The following EIF2AK1 variants were observed in gnomAD, a reference collection of about 807,000 sequenced individuals.
EIF2AK1 encodes eukaryotic translation initiation factor 2 alpha kinase 1.
Under a neutral mutation model 77.9 loss-of-function variants are expected in EIF2AK1, and 54 were observed. The ratio of observed to expected loss-of-function variants is 0.69; its 90% CI spans 0.56 to 0.87. EIF2AK1 has a LOEUF of 0.87. Among genes scored for constraint, EIF2AK1 ranks in the 40% least tolerant of loss-of-function variants. EIF2AK1 has a pLI of 0.00. For synonymous variants in EIF2AK1, 314 were observed against 290.5 expected, an observed-to-expected ratio of 1.08 and a Z score of -0.82; for missense variants, 810 against 768.6, an observed-to-expected ratio of 1.05 and a Z score of -0.64.
chr7:6,046,812 G>A, intron 5 of EIF2AK1, 180 bp downstream of exon 5: 1 of 499,026 alleles, frequency 2.0e-6, no homozygotes, highest in Non-Finnish European at 3.5e-6. Flanking sequence ...TGAGGCAGAA[G>A]AATCGCTTGA....
chr7:6,032,813 T>C lies in EIF2AK1; in HGVS notation c.1333-3781A>G. 1 of 1,530,188 alleles carries C rather than the reference T, an allele frequency of 6.5e-7. No homozygotes were observed. Among genetic ancestry groups the C allele is most frequent in the Non-Finnish European group, 8.9e-7 (1 of 1,128,626 alleles). 94.8% of individuals were successfully genotyped at this position (1,530,188 alleles called of 1,614,324 possible). On this transcript the variant is annotated intron_variant, in intron 11 of 14. Coordinates refer to ENST00000199389, the MANE Select transcript of EIF2AK1 (RefSeq NM_014413.4). This position sits in a 1 kb window ranked among gnomAD's most constrained non-coding sequence, Gnocchi z 4.3. ...ATTTTTAACTACACAGGGCCACTTG[T>C]AATGTGTTTTGTTTTCCCTCCAAAG...
rs777867248 is a variant in EIF2AK1 at position 6,038,583 on chromosome 7, C to T, written c.1208G>A (p.Arg403Gln). The change falls in exon 10 of 15, where the codon CGG (arginine) becomes CAG (glutamine). Residue 403 changes from arginine to glutamine, a missense_variant. This residue lies in a region of EIF2AK1 where 549 missense variants were observed against 533.7 expected (regional missense o/e 1.03). Coordinates refer to ENST00000199389, the MANE Select transcript of EIF2AK1 (RefSeq NM_014413.4). ...DWIVERNKRG[R>Q]EYVDESACPY... ...ACAGGCAGACTCGTCCACATACTCC[C>T]GGCCCCGCTTGTTTCTCTCGACTAT... 1.1e-5 allele frequency: 17 copies of T among 1,612,720 alleles called. No homozygotes were observed. Among genetic ancestry groups the T allele is most frequent in the African/African-American group, 2.7e-5 (2 of 74,846 alleles).
chr7:6,031,727 A>G (rs892302463), intron 11 of EIF2AK1: 6 of 840,620 alleles, frequency 7.1e-6, no homozygotes, highest in African/African-American at 1.7e-5. Context: ...CTCCACACAC[A>G]CTGCAGTGCT....
At chr7:6,043,478 G>T (rs949447107) in intron 7 of EIF2AK1, among the ~76,000 whole-genome samples, 4 of 151,990 alleles carry the variant, frequency 2.6e-5, no homozygotes, top group African/African-American at 9.7e-5. Flanking sequence ...GCCCAGGGTG[G>T]AATGCATTGG....
At position 6,035,030 on chromosome 7, in the gene EIF2AK1, A is replaced by C. The variant is rs1788035737; in HGVS notation, c.1332+2394T>G. 6.6e-6 allele frequency among the ~76,000 whole-genome samples: 1 copy of C among 152,202 alleles called. No individual in the cohort carries two copies. The highest frequency in any genetic ancestry group is 2.1e-4 in the South Asian group (1 of 4,826). ...ACTCAAGTCCACACAATTTCACAGA[A>C]AGCCAGTAACCCAGCCCAGCACTGT... On this transcript the variant is annotated intron_variant, in intron 11 of 14. Transcript: ENST00000199389. This position sits in a 1 kb window ranked among gnomAD's most constrained non-coding sequence, Gnocchi z 5.5.
chr7:6,044,407 C>G (rs183913689), intron 7 of EIF2AK1, among the ~76,000 whole-genome samples, 155 bp downstream of exon 7: 72 of 152,156 alleles, frequency 4.7e-4, no homozygotes, highest in Non-Finnish European at 8.1e-4. Context: ...GGAGGCGGAG[C>G]AGCCTGGGCG....
At chr7:6,026,099 C>T (rs531381081) in intron 14 of EIF2AK1, among the ~76,000 whole-genome samples, 13 of 152,098 alleles carry the variant, frequency 8.5e-5, no homozygotes, top group East Asian at 1.9e-4. Context: ...CTGTGTACTG[C>T]GCAGGGAATG....
Position 6,024,236 on chromosome 7 carries a change from C to A in EIF2AK1, c.*437G>T. On this transcript the variant is annotated 3_prime_UTR_variant, in exon 15 of 15. Transcript: ENST00000199389. Reference sequence around the variant, plus strand: ...GCCAAGGAATGAAATGATGAGGCGTCCTTCAGGTAATGAACTTCAGCTGCA... The same window carrying A: ...GCCAAGGAATGAAATGATGAGGCGTACTTCAGGTAATGAACTTCAGCTGCA... 1 of 1,218,790 alleles carries A rather than the reference C, an allele frequency of 8.2e-7. No homozygotes were observed. 75.5% of individuals were successfully genotyped at this position (1,218,790 alleles called of 1,614,324 possible). A position where few individuals can be genotyped will look rare whatever the true frequency, so the allele number is the denominator to read the frequency against.
chr7:6,047,109 ACAAT>A lies in EIF2AK1; in HGVS notation c.450-22_450-19del. 1 of 1,596,014 alleles carries A rather than the reference ACAAT, an allele frequency of 6.3e-7. No homozygotes were observed. The highest frequency in any genetic ancestry group is 8.6e-7 in the Non-Finnish European group (1 of 1,164,278). On this transcript the variant is annotated intron_variant, in intron 4 of 14. Transcript: ENST00000199389. ...CCCTTGATCTGAAAGTTAAATACAA[ACAAT>A]CAATATTAAAACATGAGAGAATCAA...
rs377497883 is a variant in EIF2AK1, at chr7:6,049,904, G to A, written c.411+8C>T. The A allele has an allele frequency of 1.2e-6, 2 of 1,604,774 alleles. No homozygotes were observed. The highest frequency in any genetic ancestry group is 2.3e-5 in the South Asian group (2 of 88,478). ...TGTCATACCCAAAGTATATTTTTTA[G>A]GGCTTACCTGACGAACTCTCTCTTT... On this transcript the variant is annotated splice_region_variant and intron_variant, in intron 3 of 14. Coordinates refer to ENST00000199389, the MANE Select transcript of EIF2AK1 (RefSeq NM_014413.4).
At position 6,046,045 on chromosome 7, in the gene EIF2AK1, AAATAAGT is replaced by A; in HGVS notation, c.630+19_630+25del. 7.0e-7 allele frequency: 1 copy of A among 1,423,870 alleles called. No homozygotes were observed. The highest frequency in any genetic ancestry group is 1.3e-5 in the South Asian group (1 of 78,800). The allele number at this position is 1,423,870 out of a possible 1,614,324, so 88.2% of individuals were successfully genotyped here. A position where few individuals can be genotyped will look rare whatever the true frequency, so the allele number is the denominator to read the frequency against. ...AAAGAACTAAATACACAATTATTCAAAATAAGTAATTTTTAAAAATCATACCTTCATG... is the reference window on the plus strand; with the variant it reads ...AAAGAACTAAATACACAATTATTCAAAATTTTTAAAAATCATACCTTCATG... On this transcript the variant is annotated intron_variant, in intron 6 of 14. Transcript: ENST00000199389.
At chr7:6,038,717 C>A (rs191309410) in intron 9 of EIF2AK1, 46 bp from the exon 10 acceptor site, 7 of 1,483,894 alleles carry the variant, frequency 4.7e-6, no homozygotes, top group South Asian at 2.4e-5. Context: ...ACGATTCACT[C>A]GCATTATTCA....
intron 7 of EIF2AK1, among the ~76,000 whole-genome samples, chr7:6,043,617 T>C (rs879523926): frequency 2.0e-5 from 3 of 151,322 alleles, no homozygotes; most frequent in Non-Finnish European, 4.4e-5. Context: ...TTATTAGAGA[T>C]GGGGTTTCAC....
At chr7:6,037,620 A>G in intron 10 of EIF2AK1, 96 bp from the exon 11 acceptor site, 1 of 744,708 alleles carries the variant, frequency 1.3e-6, no homozygotes, top group Non-Finnish European at 2.3e-6. Context: ...TTAACATCTG[A>G]CACTTAAGAA....
rs549482358 is a variant in EIF2AK1, at chr7:6,051,835, C to G, written c.278-1790G>C. Reference sequence around the variant, plus strand: ...ACTCTCCATTTAGATTATCAACTCACTGATTACATCAAAAACATTTATTTA... The same window carrying G: ...ACTCTCCATTTAGATTATCAACTCAGTGATTACATCAAAAACATTTATTTA... On this transcript the variant is annotated intron_variant, in intron 2 of 14. Coordinates refer to ENST00000199389, the MANE Select transcript of EIF2AK1 (RefSeq NM_014413.4). Among the ~76,000 whole-genome samples, 123 of 152,250 alleles carry G rather than the reference C, an allele frequency of 8.1e-4. 1 individual carries two copies. The highest frequency in any genetic ancestry group is 1.4e-3 in the Non-Finnish European group (96 of 68,016).
chr7:6,030,014 C>T lies in EIF2AK1; in HGVS notation c.1333-982G>A, dbSNP rs978202749. ...AAAAGAAAAGAAACGACTGTCCTGTCGAGTCCAGAGACGTGATTTTCTATG... is the reference window on the plus strand; with the variant it reads ...AAAAGAAAAGAAACGACTGTCCTGTTGAGTCCAGAGACGTGATTTTCTATG... On this transcript the variant is annotated intron_variant, in intron 11 of 14. Transcript: ENST00000199389. 2.6e-5 allele frequency among the ~76,000 whole-genome samples: 4 copies of T among 152,010 alleles called. No homozygotes were observed. The East Asian group carries it at 5.8e-4, about 22-fold the overall frequency.
intron 8 of EIF2AK1, 92 bp from the exon 9 acceptor site, chr7:6,041,311 G>A: frequency 7.6e-7 from 1 of 1,323,216 alleles, no homozygotes. Flanking sequence ...GGCTGAGGCG[G>A]GCAGATCACT....
chr7:6,043,037 T>C, intron 7 of EIF2AK1, 44 bp from the exon 8 acceptor site: 1 of 1,588,784 alleles, frequency 6.3e-7, no homozygotes, highest in Non-Finnish European at 8.6e-7. Context: ...AGCCCAGTTT[T>C]TCAAATTGTA....
chr7:6,051,554 CAAG>C (rs1204244217), intron 2 of EIF2AK1, among the ~76,000 whole-genome samples: 1 of 151,944 alleles, frequency 6.6e-6, no homozygotes, highest in East Asian at 1.9e-4. Context: ...CTCACCCTCC[CAAG>C]TAGCTGGGAT....
Sources: gnomAD v4.1 joint callset for allele counts (sites outside exome capture counted in the v4.1 genomes callset) on GRCh38, gnomAD v4.1.1 for gene constraint, gnomAD v4.1.1 regional missense constraint, Gnocchi (gnomAD v3.1) non-coding constraint, MANE v1.5 for transcripts, NCBI Gene and HGNC (gene_info 2026-07-23, HGNC 2026-07-21) for gene names.